Variants in RBPJ observed in about 807,000 individuals in gnomAD.
RBPJ encodes the protein recombining binding protein suppressor of hairless.
A neutral mutation model predicts 67.8 loss-of-function variants in RBPJ; 9 were observed. That is an observed-to-expected ratio of 0.13 (90% CI 0.08 to 0.23). RBPJ has a LOEUF of 0.23. Among genes scored for constraint, RBPJ ranks in the 10% least tolerant of loss-of-function variants. The probability of loss-of-function intolerance (pLI) is 1.00; values close to 1 mark genes in which losing one functional copy is unlikely to be tolerated. For missense variants in RBPJ, 305 were observed against 595.6 expected (o/e 0.51, Z 5.08); for synonymous variants, 198 against 203.3 (o/e 0.97, Z 0.22).
intron 1 of RBPJ, among the ~76,000 whole-genome samples, chr4:26,296,321 A>G (rs1169256698): frequency 6.6e-6 from 1 of 152,122 alleles, no homozygotes; most frequent in Non-Finnish European, 1.5e-5. Flanking sequence ...AGCATTAGGT[A>G]GCTGGGAGAA....
the RBPJ span, among the ~76,000 whole-genome samples, chr4:26,117,914 C>T: frequency 4.6e-5 from 7 of 151,926 alleles, no homozygotes; most frequent in South Asian, 2.1e-4. Flanking sequence ...AACAACTATA[C>T]ACCACAAATT....
upstream of RBPJ, among the ~76,000 whole-genome samples, chr4:26,158,939 C>CTCGCTT (rs1716024834): frequency 8.1e-6 from 1 of 123,324 alleles, no homozygotes; most frequent in South Asian, 3.1e-4. Flanking sequence ...TTCTCCCTCT[C>CTCGCTT]TCTCTTTCTC....
intron 1 of RBPJ, among the ~76,000 whole-genome samples, chr4:26,244,977 A>T (rs1719878894): frequency 6.6e-6 from 1 of 151,020 alleles, no homozygotes; most frequent in Non-Finnish European, 1.5e-5. Flanking sequence ...TTGTTATTTA[A>T]TATTAATATT....
intron 1 of RBPJ, among the ~76,000 whole-genome samples, chr4:26,202,028 C>T (rs1717997124): frequency 6.6e-6 from 1 of 152,200 alleles, no homozygotes; most frequent in African/African-American, 2.4e-5. Flanking sequence ...ACTTTCTTTC[C>T]CATTCTCTGG....
At chr4:26,215,002 A>AGGAAGGAGGGAGGGAGGGAGGGAG (rs1718629805) in intron 1 of RBPJ, among the ~76,000 whole-genome samples, 1 of 23,456 alleles carries the variant, frequency 4.3e-5, no homozygotes, top group Non-Finnish European at 8.0e-5. Flanking sequence ...GAGGGAGGGA[A>AGGAAGGAGGGAGGGAGGGAGGGAG]GGAAGGAAGG....
At chr4:26,322,660 A>ATT (rs1366018201) in intron 1 of RBPJ, among the ~76,000 whole-genome samples, 3 of 117,682 alleles carry the variant, frequency 2.5e-5, no homozygotes, top group Non-Finnish European at 3.9e-5. Flanking sequence ...TAATATGTAT[A>ATT]TTATATATAT....
chr4:26,316,440 C>CATATATACATTCAT (rs1400490616), upstream of RBPJ, among the ~76,000 whole-genome samples: 2 of 132,276 alleles, frequency 1.5e-5, no homozygotes, highest in Non-Finnish European at 3.1e-5. Context: ...TATATACATT[C>CATATATACATTCAT]ATATACATTC....
In RBPJ at chr4:26,430,485, G is replaced by A. The variant is rs1736107602; in HGVS notation, c.1111G>A (p.Val371Met). 6.2e-7 allele frequency: 1 copy of A among 1,607,860 alleles called. No individual in the cohort carries two copies. The highest frequency in any genetic ancestry group is 1.3e-5 in the African/African-American group (1 of 74,486). Residue 371 changes from valine (V) to methionine (M), a missense_variant, in exon 10 of 11, where the codon GTG becomes ATG. Physicochemically the swap from Val to Met is conservative, Grantham distance 21 (BLOSUM62 1). Coordinates refer to ENST00000355476, the MANE Select transcript of RBPJ (RefSeq NM_015874.6). This position sits in a 1 kb window ranked among gnomAD's most constrained non-coding sequence, Gnocchi z 4.1. ...TGQNFTPNLRVWFGDVEAETM... is the reference protein window; with the variant it reads ...TGQNFTPNLRMWFGDVEAETM... ...ACAGAATTTCACTCCAAATTTACGA[G>A]TGTGGTTTGGGGATGTAGAAGCTGA...
chr4:26,279,414 G>A (rs1721185276), intron 1 of RBPJ, among the ~76,000 whole-genome samples: 1 of 152,124 alleles, frequency 6.6e-6, no homozygotes, highest in African/African-American at 2.4e-5. Context: ...CCGAGTAGTT[G>A]GGACTACAAG....
intron 1 of RBPJ, among the ~76,000 whole-genome samples, chr4:26,218,905 G>A (rs955400285): frequency 6.6e-6 from 1 of 152,104 alleles, no homozygotes; most frequent in South Asian, 2.1e-4. Context: ...CTGCCTCTCA[G>A]TACCAGGCCT....
intron 2 of RBPJ, among the ~76,000 whole-genome samples, chr4:26,388,536 A>G (rs1225429253): frequency 6.6e-6 from 1 of 152,192 alleles, no homozygotes; most frequent in African/African-American, 2.4e-5. Flanking sequence ...GATTTGGCCT[A>G]CAGACTGTAA....
Position 26,386,368 on chromosome 4 carries a change from G to A in RBPJ, c.36G>A (p.Arg12=), listed in dbSNP as rs1201538225. 6.2e-7 allele frequency: 1 copy of A among 1,600,254 alleles called. No homozygotes were observed. The highest frequency in any genetic ancestry group is 1.1e-5 in the South Asian group (1 of 88,442). Residue 12 remains arginine, a synonymous_variant, in exon 2 of 11, where the codon CGG becomes CGA. Transcript: ENST00000355476. ...APVVTGKFGE[R]PPPKRLTREA... is the part of the protein sequence containing the mutation. The stretch of plus-strand genomic sequence containing the variant: ...TTTTTTCCAGGAAATTTGGTGAGCG[G>A]CCTCCACCTAAACGACTTACTAGGT...
intron 1 of RBPJ, among the ~76,000 whole-genome samples, chr4:26,218,465 A>G (rs1295430825): frequency 2.6e-5 from 4 of 152,012 alleles, no homozygotes; most frequent in Non-Finnish European, 5.9e-5. Context: ...CCTAATCCCC[A>G]AAGCACTAAA....
chr4:26,228,859 ACT>A (rs1347295330), intron 1 of RBPJ, among the ~76,000 whole-genome samples: 1 of 152,024 alleles, frequency 6.6e-6, no homozygotes, highest in African/African-American at 2.4e-5. Flanking sequence ...TGGTACAGAA[ACT>A]CTCTGTTACC....
chr4:26,268,851 C>T, intron 1 of RBPJ, among the ~76,000 whole-genome samples: 1 of 152,116 alleles, frequency 6.6e-6, no homozygotes, highest in East Asian at 1.9e-4. Context: ...TTAGGCAAAA[C>T]AAAAATCTAA....
Position 26,343,739 on chromosome 4 carries a change from CTTTTTTTTT to C in RBPJ, c.20+22711_20+22719del, listed in dbSNP as rs71186404. Among the ~76,000 whole-genome samples the C allele has an allele frequency of 1.5e-3, 86 of 55,830 alleles. 1 individual carries two copies. Among genetic ancestry groups the C allele is most frequent in the African/African-American group, 6.1e-3 (73 of 11,994 alleles). 36.6% of individuals were successfully genotyped at this position (55,830 alleles called of 152,430 possible). On this transcript the variant is annotated intron_variant, in intron 1 of 10. Coordinates refer to ENST00000355476, the MANE Select transcript of RBPJ (RefSeq NM_015874.6). ...ATTTTTTTGTACTTCTTTCTTTCTTCTTTTTTTTTTTTTTTTTTTTTTTTTTTTGTGACG... is the reference window on the plus strand; with the variant it reads ...ATTTTTTTGTACTTCTTTCTTTCTTCTTTTTTTTTTTTTTTTTTTGTGACG...
At chr4:26,266,234 G>A (rs1379239286) in intron 1 of RBPJ, among the ~76,000 whole-genome samples, 1 of 152,070 alleles carries the variant, frequency 6.6e-6, no homozygotes, top group Admixed American at 6.5e-5. Context: ...GAGGCTTGTT[G>A]GATGTGTAGG....
the RBPJ span, among the ~76,000 whole-genome samples, chr4:26,107,533 G>C: frequency 1.3e-5 from 2 of 152,234 alleles, no homozygotes; most frequent in African/African-American, 4.8e-5. Flanking sequence ...AGCGTAGCTT[G>C]TTATAGAAAA....
At chr4:26,269,124 C>T (rs1456796085) in intron 1 of RBPJ, among the ~76,000 whole-genome samples, 2 of 152,120 alleles carry the variant, frequency 1.3e-5, no homozygotes, top group African/African-American at 4.8e-5. Context: ...CTGTTGAAAG[C>T]ACTTTCTCCA....
Sources: gnomAD v4.1 joint callset for allele counts (sites outside exome capture counted in the v4.1 genomes callset) on GRCh38, gnomAD v4.1.1 for gene constraint, Gnocchi (gnomAD v3.1) non-coding constraint, MANE v1.5 for transcripts, NCBI Gene and HGNC (gene_info 2026-07-23, HGNC 2026-07-21) for gene names.